Variants in GEMIN4 observed in about 807,000 individuals in gnomAD.
The protein encoded by GEMIN4 is gem-associated protein 4.
Under a neutral mutation model 76.8 loss-of-function variants are expected in GEMIN4, and 59 were observed. The observed-to-expected ratio is 0.77, with a 90% CI of 0.62 to 0.95. The LOEUF is 0.95. Ranked by LOEUF, GEMIN4 falls within the 40% of genes least tolerant of loss-of-function variation. The pLI is 0.00. For missense variants in GEMIN4, 1,311 were observed against 1,318.9 expected, an observed-to-expected ratio of 0.99 and a Z score of 0.09; for synonymous variants, 562 against 559.7, an observed-to-expected ratio of 1.00 and a Z score of -0.06.
upstream of GEMIN4, chr17:752,490 C>T (rs1339027312): frequency 9.1e-6 from 4 of 437,914 alleles, no homozygotes; most frequent in Middle Eastern, 2.2e-3. Flanking sequence ...TCACCCTCAC[C>T]CGGTAACCCC....
Position 745,241 on chromosome 17 carries a change from T to A in GEMIN4, c.2802A>T (p.Glu934Asp). The change falls in exon 2 of 2, where the codon GAA (glutamate) becomes GAT (aspartate). Residue 934 changes from glutamate to aspartate, a missense_variant. Glu to Asp is a conservative substitution (Grantham distance 45). Around this residue, in one of 2 missense-constraint regions of GEMIN4, gnomAD observed 1,208 missense variants for 1,166.9 expected, o/e 1.04. Coordinates refer to ENST00000319004, the MANE Select transcript of GEMIN4 (RefSeq NM_015721.3). The surrounding 1 kb of genome is among the most constrained non-coding windows in gnomAD (Gnocchi z 4.6). ...SHSCRDWLPLEGWNHVVKLLC... is the reference protein window; with the variant it reads ...SHSCRDWLPLDGWNHVVKLLC... ...GGAGTTTGACCACGTGGTTCCAGCC[T>A]TCCAGAGGAAGCCAATCACGACAGC... 1 of 1,610,638 alleles carries A rather than the reference T, an allele frequency of 6.2e-7. No individual in the cohort carries two copies. The highest frequency in any genetic ancestry group is 8.5e-7 in the Non-Finnish European group (1 of 1,178,874).
Position 746,165 on chromosome 17 carries a change from C to G in GEMIN4, c.1878G>C (p.Glu626Asp). 6.2e-7 allele frequency: 1 copy of G among 1,613,892 alleles called. No individual in the cohort carries two copies. The highest frequency in any genetic ancestry group is 8.5e-7 in the Non-Finnish European group (1 of 1,179,892). Residue 626 changes from glutamate to aspartate, a missense_variant, in exon 2 of 2, where the codon GAG becomes GAC. Transcript: ENST00000319004. This position sits in a 1 kb window ranked among gnomAD's most constrained non-coding sequence, Gnocchi z 4.3. ...CGGGACTCATCAGGCAGTTCAGGAGCTCTAAAAATTGCTTTTCTTCCTTGG... is the reference window on the plus strand; with the variant it reads ...CGGGACTCATCAGGCAGTTCAGGAGGTCTAAAAATTGCTTTTCTTCCTTGG... ...STPKEEKQFL[E>D]LLNCLMSPVK...
At chr17:753,753 AG>A (rs1904873226), upstream of GEMIN4, 1 of 152,318 alleles carries the variant, frequency 6.6e-6, no homozygotes, top group East Asian at 1.9e-4. Context: ...TGGAAGGACG[AG>A]GGGGACAGTG....
In GEMIN4 at chr17:747,482, A is replaced by G; in HGVS notation, c.561T>C (p.His187=). The change falls in exon 2 of 2, where the codon CAT becomes CAC. Residue 187 remains histidine, a synonymous_variant. Coordinates refer to ENST00000319004, the MANE Select transcript of GEMIN4 (RefSeq NM_015721.3). The part of the protein sequence containing the change: ...PLLSQFSAMA[H]KYLPALDEFP... The stretch of plus-strand genomic sequence containing the variant: ...ACTCATCTAAGGCAGGCAGGTACTT[A>G]TGGGCCATTGCACTAAACTGGGAGA... 6.2e-7 allele frequency: 1 copy of G among 1,613,802 alleles called. No homozygotes were observed. Among genetic ancestry groups the G allele is most frequent in the Non-Finnish European group, 8.5e-7 (1 of 1,179,838 alleles).
chr17:748,204 C>A lies in GEMIN4; in HGVS notation c.11-172G>T. 3 of 598,456 alleles carry A rather than the reference C, an allele frequency of 5.0e-6. No individual in the cohort carries two copies. In the South Asian group the frequency reaches 6.8e-5, roughly 14 times the overall value. 37.1% of individuals were successfully genotyped at this position (598,456 alleles called of 1,614,324 possible). A position where few individuals can be genotyped will look rare whatever the true frequency, so the allele number is the denominator to read the frequency against. On this transcript the variant is annotated intron_variant, in intron 1 of 1. Transcript: ENST00000319004. ...ACAGCTGGAGTCAGAAGGACTTGGC[C>A]GAGGAATCCAGAATGGCTTCCGAGC... is the stretch of plus-strand genomic sequence containing the variant.
In GEMIN4 at chr17:752,224, T is replaced by G. The variant is rs1374475496; in HGVS notation, c.-82A>C. On this transcript the variant is annotated 5_prime_UTR_variant, in exon 1 of 2. Transcript: ENST00000319004. ...ACGCGGCGCGGGACGCACGGCACGA[T>G]GGGAGACGCAGGAGCCACGGCGGCC... 1.5e-5 allele frequency: 18 copies of G among 1,229,070 alleles called. No homozygotes were observed. The highest frequency in any genetic ancestry group is 1.8e-5 in the Non-Finnish European group (18 of 985,750). 76.1% of individuals were successfully genotyped at this position (1,229,070 alleles called of 1,614,324 possible).
rs760371285 is a variant in GEMIN4, at chr17:746,822, G to A, written c.1221C>T (p.Ala407=). 22 of 1,613,718 alleles carry A rather than the reference G, an allele frequency of 1.4e-5. 3 individuals carry two copies. In the South Asian group the frequency reaches 2.1e-4, roughly 15 times the overall value. Residue 407 remains alanine (A), a synonymous_variant, in exon 2 of 2, where the codon GCC becomes GCT. Transcript: ENST00000319004. This position sits in a 1 kb window ranked among gnomAD's most constrained non-coding sequence, Gnocchi z 4.3. ...CCATCTTCTGCTGGATGACGGCCAT[G>A]GCAATGGAAGCTGTGATATCCTCCA... ...RALEDITASI[A]MAVIQQKMDR... is the part of the protein sequence containing the mutation.
Position 745,962 on chromosome 17 carries a change from G to A in GEMIN4, c.2081C>T (p.Pro694Leu), listed in dbSNP as rs753597687. ...REEYWLQTCS[P>L]FPLLFSLCQL... is the part of the protein sequence containing the mutation. ...GCACAAGCTGAAGAGGAGTGGAAAC[G>A]GGGAGCAGGTCTGGAGCCAGTATTC... The change falls in exon 2 of 2, where the codon CCG (proline) becomes CTG (leucine). Residue 694 changes from proline to leucine, a missense_variant. Around this residue, in one of 2 missense-constraint regions of GEMIN4, gnomAD observed 1,208 missense variants for 1,166.9 expected, o/e 1.04. Coordinates refer to ENST00000319004, the MANE Select transcript of GEMIN4 (RefSeq NM_015721.3). The surrounding 1 kb of genome is among the most constrained non-coding windows in gnomAD (Gnocchi z 4.6). 1.2e-5 allele frequency: 20 copies of A among 1,613,044 alleles called. No homozygotes were observed. Among genetic ancestry groups the A allele is most frequent in the South Asian group, 3.3e-5 (3 of 91,080 alleles).
chr17:753,631 G>GAGAA (rs947044945), upstream of GEMIN4: 1 of 152,944 alleles, frequency 6.5e-6, no homozygotes, highest in Non-Finnish European at 1.5e-5. Context: ...TGTTGGAAAG[G>GAGAA]AGAAACTCGG....
In GEMIN4 at chr17:747,366, A is replaced by C; in HGVS notation, c.677T>G (p.Ile226Ser). 1 of 1,613,732 alleles carries C rather than the reference A, an allele frequency of 6.2e-7. No individual in the cohort carries two copies. Residue 226 changes from isoleucine to serine, a missense_variant, in exon 2 of 2, where the codon ATC becomes AGC. Ile to Ser is a moderately radical substitution (Grantham distance 142, BLOSUM62 -2). Transcript: ENST00000319004. ...LAMLLRGLTQ[I>S]QSRILGPGRK... ...CCCCGGGCCCAGGATCCGACTCTGG[A>C]TCTGTGTCAGCCCGCGGAGCAGCAT...
intron 1 of GEMIN4, chr17:751,848 G>A (rs1229632065): frequency 2.7e-6 from 1 of 369,354 alleles, no homozygotes; most frequent in Non-Finnish European, 4.8e-6. Flanking sequence ...GTTTCCCAAA[G>A]CACGTGCGCG....
At position 745,119 on chromosome 17, in the gene GEMIN4, G is replaced by T. The variant is rs549075664; in HGVS notation, c.2924C>A (p.Ala975Asp). The change falls in exon 2 of 2, where the codon GCC (alanine) becomes GAC (aspartate). Residue 975 changes from alanine to aspartate, a missense_variant. Physicochemically the swap from Ala to Asp is moderately radical, Grantham distance 126. Transcript: ENST00000319004. This position sits in a 1 kb window ranked among gnomAD's most constrained non-coding sequence, Gnocchi z 4.6. ...QGPEQDLTQE[A>D]LFVYTQVFCH... is the part of the protein sequence containing the mutation. Reference sequence around the variant, plus strand: ...GAACACCTGGGTGTAAACAAACAGGGCTTCCTGGGTCAGGTCCTGCTCTGG... The same window carrying T: ...GAACACCTGGGTGTAAACAAACAGGTCTTCCTGGGTCAGGTCCTGCTCTGG... 1.9e-5 allele frequency: 30 copies of T among 1,610,622 alleles called. No homozygotes were observed. The highest frequency in any genetic ancestry group is 1.1e-4 in the East Asian group (5 of 44,810).
intron 1 of GEMIN4, among the ~76,000 whole-genome samples, chr17:750,420 C>T (rs956983728): frequency 1.3e-5 from 2 of 152,186 alleles, no homozygotes; most frequent in Non-Finnish European, 2.9e-5. Flanking sequence ...GTTACAGAGT[C>T]TAATTAGGTG....
chr17:751,265 C>A (rs925083220), intron 1 of GEMIN4, among the ~76,000 whole-genome samples: 2 of 152,172 alleles, frequency 1.3e-5, no homozygotes, highest in Non-Finnish European at 2.9e-5. Flanking sequence ...GACACTGAGG[C>A]GCAGAAACGA....
In GEMIN4 at chr17:746,526, C is replaced by A; in HGVS notation, c.1517G>T (p.Trp506Leu). The A allele has an allele frequency of 1.2e-6, 2 of 1,613,946 alleles. No homozygotes were observed. The highest frequency in any genetic ancestry group is 1.7e-6 in the Non-Finnish European group (2 of 1,179,906). The change falls in exon 2 of 2, where the codon TGG (tryptophan) becomes TTG (leucine). Residue 506 changes from tryptophan (W) to leucine (L), a missense_variant. Trp to Leu is a moderately conservative substitution (Grantham distance 61). This residue lies in a region of GEMIN4 where 1,208 missense variants were observed against 1,166.9 expected (regional missense o/e 1.04). Transcript: ENST00000319004. The surrounding 1 kb of genome is among the most constrained non-coding windows in gnomAD (Gnocchi z 4.3). ...CTTTTCAGAGAGGCCCTTTCGCCCC[C>A]AGGAACGCAGGATACCTGCAAGGAC... is the stretch of plus-strand genomic sequence containing the variant. ...NKVLAGILRS[W>L]GRKGLSEKLL... is the part of the protein sequence containing the mutation.
chr17:746,352 A>G lies in GEMIN4; in HGVS notation c.1691T>C (p.Met564Thr). The change falls in exon 2 of 2, where the codon ATG becomes ACG. Residue 564 changes from methionine to threonine, a missense_variant. By Grantham distance (81) the Met-to-Thr change is moderately conservative. This residue lies in a region of GEMIN4 where 1,208 missense variants were observed against 1,166.9 expected (regional missense o/e 1.04). Coordinates refer to ENST00000319004, the MANE Select transcript of GEMIN4 (RefSeq NM_015721.3). The surrounding 1 kb of genome is among the most constrained non-coding windows in gnomAD (Gnocchi z 4.3). Reference sequence around the variant, plus strand: ...GAGATTGACCACAGCCAGGCTGCACATTTTCTTCACCGTGACTTCCGGGTG... The same window carrying G: ...GAGATTGACCACAGCCAGGCTGCACGTTTTCTTCACCGTGACTTCCGGGTG... ...IVHPEVTVKKMCSLAVVNLGT... is the reference protein window; with the variant it reads ...IVHPEVTVKKTCSLAVVNLGT... 6 of 1,613,660 alleles carry G rather than the reference A, an allele frequency of 3.7e-6. No homozygotes were observed. The highest frequency in any genetic ancestry group is 5.1e-6 in the Non-Finnish European group (6 of 1,179,868).
chr17:749,318 A>C, intron 1 of GEMIN4: 1 of 206,656 alleles, frequency 4.8e-6, no homozygotes, highest in South Asian at 5.3e-5. Context: ...TCACACGGCC[A>C]CAGGGTAATG....
rs944322331 is a variant in GEMIN4, at chr17:746,851, C to A, written c.1192G>T (p.Ala398Ser). Reference protein sequence around the residue: ...RKTSTVLKNRALEDITASIAM... With the variant: ...RKTSTVLKNRSLEDITASIAM... ...ATGGAAGCTGTGATATCCTCCAAGGCCCTGTTCTTCAGCACCGTGCTCGTT... is the reference window on the plus strand; with the variant it reads ...ATGGAAGCTGTGATATCCTCCAAGGACCTGTTCTTCAGCACCGTGCTCGTT... The change falls in exon 2 of 2, where the codon GCC becomes TCC. Residue 398 changes from alanine (A) to serine (S), a missense_variant. Physicochemically the swap from Ala to Ser is moderately conservative, Grantham distance 99. Around this residue, in one of 2 missense-constraint regions of GEMIN4, gnomAD observed 1,208 missense variants for 1,166.9 expected, o/e 1.04. Transcript: ENST00000319004. This position sits in a 1 kb window ranked among gnomAD's most constrained non-coding sequence, Gnocchi z 4.3. 1 of 1,613,636 alleles carries A rather than the reference C, an allele frequency of 6.2e-7. No individual in the cohort carries two copies. Among genetic ancestry groups the A allele is most frequent in the Admixed American group, 1.7e-5 (1 of 59,986 alleles).
chr17:745,312 G>C lies in GEMIN4; in HGVS notation c.2731C>G (p.Leu911Val). ...NLKPFAQELQ[L>V]SVLFLRTFQF... is the part of the protein sequence containing the mutation. ...AAAGTCCTCAGGAAGAGGACGGAGA[G>C]TTGCAACTCCTGGGCAAAGGGCTTC... Residue 911 changes from leucine to valine, a missense_variant, in exon 2 of 2, where the codon CTC (leucine) becomes GTC (valine). Coordinates refer to ENST00000319004, the MANE Select transcript of GEMIN4 (RefSeq NM_015721.3). This position sits in a 1 kb window ranked among gnomAD's most constrained non-coding sequence, Gnocchi z 4.6. 6.2e-7 allele frequency: 1 copy of C among 1,612,706 alleles called. No homozygotes were observed. The highest frequency in any genetic ancestry group is 1.1e-5 in the South Asian group (1 of 91,042).
Sources: allele counts gnomAD v4.1 joint callset (sites outside exome capture counted in the v4.1 genomes callset), GRCh38; gene constraint gnomAD v4.1.1; regional missense constraint gnomAD v4.1.1; non-coding constraint Gnocchi (gnomAD v3.1); transcripts MANE v1.5; gene names NCBI Gene and HGNC (gene_info 2026-07-23, HGNC 2026-07-21).